The following THSD7B variants were observed in gnomAD, a reference collection of about 807,000 sequenced individuals.
THSD7B encodes the protein thrombospondin type-1 domain-containing protein 7B.
Under a neutral mutation model 213.6 loss-of-function variants are expected in THSD7B, and 138 were observed. The observed-to-expected ratio is 0.65, with a 90% CI of 0.56 to 0.74. THSD7B has a LOEUF of 0.74. Ranked by LOEUF, THSD7B falls within the 30% of genes least tolerant of loss-of-function variation. THSD7B has a pLI of 0.00. For synonymous variants in THSD7B, 742 were observed against 687.0 expected, an observed-to-expected ratio of 1.08 and a Z score of -1.25; for missense variants, 1,931 against 1,991.5, an observed-to-expected ratio of 0.97 and a Z score of 0.58.
chr2:136,822,533 C>T (rs1226843059), intron 1 of THSD7B, among the ~76,000 whole-genome samples: 1 of 152,162 alleles, frequency 6.6e-6, no homozygotes, highest in East Asian at 1.9e-4. Context: ...TCATTATTTT[C>T]CCCATTTTAC....
chr2:137,522,080 A>G (rs1286805148), intron 15 of THSD7B, among the ~76,000 whole-genome samples: 1 of 152,196 alleles, frequency 6.6e-6, no homozygotes, highest in Non-Finnish European at 1.5e-5. Flanking sequence ...ACTCAGCCTG[A>G]GAACTGCATG....
chr2:137,487,319 G>T (rs1018343389), intron 15 of THSD7B, among the ~76,000 whole-genome samples: 1 of 119,578 alleles, frequency 8.4e-6, no homozygotes, highest in African/African-American at 3.4e-5. Context: ...AGTGAGCCGA[G>T]ATTGCGCCAC....
At chr2:136,945,023 G>A (rs1558862345) in intron 2 of THSD7B, among the ~76,000 whole-genome samples, 1 of 152,110 alleles carries the variant, frequency 6.6e-6, no homozygotes, top group South Asian at 2.1e-4. Flanking sequence ...GCAGTGGCTG[G>A]TACCGGTTGT....
At chr2:136,921,184 T>C (rs1255936213) in intron 2 of THSD7B, among the ~76,000 whole-genome samples, 6 of 130,448 alleles carry the variant, frequency 4.6e-5, no homozygotes, top group African/African-American at 1.5e-4. Context: ...CAGCAGCCGC[T>C]CCAGATGGGC....
intron 2 of THSD7B, among the ~76,000 whole-genome samples, chr2:137,009,691 C>G (rs1001245870): frequency 6.6e-6 from 1 of 152,094 alleles, no homozygotes; most frequent in Non-Finnish European, 1.5e-5. Context: ...TATGACTTAC[C>G]ATGAGAACAG....
intron 17 of THSD7B, among the ~76,000 whole-genome samples, chr2:137,604,356 T>A (rs1682132821): frequency 6.6e-6 from 1 of 152,208 alleles, no homozygotes; most frequent in African/African-American, 2.4e-5. Context: ...TTATGATGGC[T>A]ATTATTAAAA....
chr2:137,090,628 T>C (rs16838002), intron 3 of THSD7B, among the ~76,000 whole-genome samples: 12,626 of 152,224 alleles, frequency 0.083, 743 homozygotes, highest in African/African-American at 0.16. Flanking sequence ...GTTCTATACA[T>C]GTGACAGGGG....
At chr2:136,823,720 C>A (rs1682600624) in intron 1 of THSD7B, among the ~76,000 whole-genome samples, 1 of 152,110 alleles carries the variant, frequency 6.6e-6, no homozygotes, top group Admixed American at 6.6e-5. Context: ...TTTTTCTTCT[C>A]ATTTTCTTGG....
intron 12 of THSD7B, among the ~76,000 whole-genome samples, chr2:137,290,359 G>T (rs113935802): frequency 0.014 from 2,067 of 152,114 alleles, 55 homozygotes; most frequent in African/African-American, 0.048. Flanking sequence ...AAAGTGCTGG[G>T]ATTACAGGCG....
At chr2:137,485,794 C>G (rs1346836453) in intron 15 of THSD7B, among the ~76,000 whole-genome samples, 1 of 152,208 alleles carries the variant, frequency 6.6e-6, no homozygotes, top group Non-Finnish European at 1.5e-5. Context: ...AACAGCGGAT[C>G]TCTCAGCAGA....
intron 1 of THSD7B, among the ~76,000 whole-genome samples, chr2:136,768,250 C>G (rs1681442825): frequency 6.6e-6 from 1 of 152,098 alleles, no homozygotes; most frequent in South Asian, 2.1e-4. Context: ...GAATGTTGTC[C>G]TTAAATGATA....
intron 3 of THSD7B, among the ~76,000 whole-genome samples, chr2:137,076,949 A>T (rs1687638562): frequency 6.7e-6 from 1 of 149,274 alleles, no homozygotes; most frequent in African/African-American, 2.5e-5. Context: ...AACATTAGGT[A>T]TATCTCCTAA....
At position 136,811,197 on chromosome 2, in the gene THSD7B, C is replaced by T. The variant is rs573549097; in HGVS notation, c.-36+45510C>T. Reference sequence around the variant, plus strand: ...AATCTCCCAGATCTGGCCTGGACTCCGGGATTTCCCCCTTCTGGACTAGAT... The same window carrying T: ...AATCTCCCAGATCTGGCCTGGACTCTGGGATTTCCCCCTTCTGGACTAGAT... On this transcript the variant is annotated intron_variant, in intron 1 of 27. Transcript: ENST00000409968. Among the ~76,000 whole-genome samples, 13 of 152,220 alleles carry T rather than the reference C, an allele frequency of 8.5e-5. No homozygotes were observed. The South Asian group carries it at 1.0e-3, about 12-fold the overall frequency.
intron 14 of THSD7B, among the ~76,000 whole-genome samples, chr2:137,436,757 T>A (rs1417838713): frequency 6.6e-6 from 1 of 152,114 alleles, no homozygotes; most frequent in Non-Finnish European, 1.5e-5. Flanking sequence ...CACAAAAAAA[T>A]TATACCAAAA....
At chr2:137,450,782 A>G in intron 14 of THSD7B, 63 bp from the exon 15 acceptor site, 1 of 1,239,900 alleles carries the variant, frequency 8.1e-7, no homozygotes, top group Non-Finnish European at 1.1e-6. Context: ...TCATGGAAAT[A>G]GAAAGTGAAT....
At chr2:136,860,030 T>TTTTC (rs1382882091) in intron 1 of THSD7B, among the ~76,000 whole-genome samples, 1 of 149,462 alleles carries the variant, frequency 6.7e-6, no homozygotes, top group Non-Finnish European at 1.5e-5. Flanking sequence ...TTTTTTTTTT[T>TTTTC]TTTTTGAGAT....
intron 1 of THSD7B, among the ~76,000 whole-genome samples, chr2:136,881,522 T>G (rs1451944669): frequency 6.6e-6 from 1 of 152,136 alleles, no homozygotes; most frequent in Non-Finnish European, 1.5e-5. Context: ...AAATTTGCAA[T>G]ACCATCATAA....
intron 21 of THSD7B, among the ~76,000 whole-genome samples, chr2:137,648,745 A>ATG (rs138661553): frequency 0.017 from 2,599 of 151,514 alleles, 65 homozygotes; most frequent in African/African-American, 0.058. Context: ...GAGTATATAA[A>ATG]TGTGTGTGTG....
intron 2 of THSD7B, among the ~76,000 whole-genome samples, chr2:136,920,211 G>A (rs138898114): frequency 4.2e-4 from 64 of 152,338 alleles, no homozygotes; most frequent in East Asian, 3.7e-3. Context: ...CAACTGTAGG[G>A]TAAGTAAGGT....
Sources: gnomAD v4.1 joint callset for allele counts (sites outside exome capture counted in the v4.1 genomes callset) on GRCh38, gnomAD v4.1.1 for gene constraint, MANE v1.5 for transcripts, NCBI Gene and HGNC (gene_info 2026-07-23, HGNC 2026-07-21) for gene names.